Variants in PRKCB observed in about 807,000 individuals in gnomAD.
The protein encoded by PRKCB is protein kinase C beta.
In PRKCB, 13 loss-of-function variants were observed where a neutral mutation model predicts 81.5. That is an observed-to-expected ratio of 0.16 (90% CI 0.10 to 0.25). PRKCB has a LOEUF of 0.25. Ranked by LOEUF, PRKCB falls within the 10% of genes least tolerant of loss-of-function variation. The probability of loss-of-function intolerance (pLI) is 1.00; values close to 1 mark genes in which losing one functional copy is unlikely to be tolerated. For synonymous variants in PRKCB, 335 were observed against 321.4 expected (o/e 1.04, Z -0.45); for missense variants, 509 against 875.7 (o/e 0.58, Z 5.29).
Position 24,091,939 on chromosome 16 carries a change from G to C in PRKCB, c.530-852G>C, listed in dbSNP as rs1177220366. Among the ~76,000 whole-genome samples the C allele has an allele frequency of 2.0e-5, 3 of 152,112 alleles. No individual in the cohort carries two copies. In the East Asian group the frequency reaches 5.8e-4, roughly 29 times the overall value. On this transcript the variant is annotated intron_variant, in intron 5 of 16. Transcript: ENST00000643927. Reference sequence around the variant, plus strand: ...TGGGTGCTGGTTATGGGTGATACATGGATAATAGGTGTACCTTGGTTTAGA... The same window carrying C: ...TGGGTGCTGGTTATGGGTGATACATCGATAATAGGTGTACCTTGGTTTAGA...
intron 3 of PRKCB, among the ~76,000 whole-genome samples, chr16:23,995,992 C>A (rs182036195): frequency 6.6e-6 from 1 of 151,960 alleles, no homozygotes; most frequent in African/African-American, 2.4e-5. Context: ...GAGCAGTGCA[C>A]CTGGTTGTGC....
chr16:24,140,422 G>T (rs1345545785), intron 9 of PRKCB, among the ~76,000 whole-genome samples: 3 of 152,070 alleles, frequency 2.0e-5, no homozygotes, highest in Non-Finnish European at 4.4e-5. Context: ...CTCAAGAGGG[G>T]AATTATAATA....
intron 2 of PRKCB, among the ~76,000 whole-genome samples, chr16:23,973,434 C>T (rs771968299): frequency 2.0e-5 from 3 of 152,076 alleles, no homozygotes; most frequent in Non-Finnish European, 2.9e-5. Flanking sequence ...TCACCTGCCT[C>T]GGCCTCTCAA....
At chr16:24,092,575 G>A (rs1277163716) in intron 5 of PRKCB, among the ~76,000 whole-genome samples, 1 of 152,156 alleles carries the variant, frequency 6.6e-6, no homozygotes, top group Admixed American at 6.5e-5. Flanking sequence ...CAGTGTAAAA[G>A]TCAGAAATCC....
At chr16:24,079,519 A>G (rs1596539601) in intron 5 of PRKCB, among the ~76,000 whole-genome samples, 1 of 152,194 alleles carries the variant, frequency 6.6e-6, no homozygotes. Context: ...CTCAACTGAG[A>G]CCATATATTG....
chr16:24,060,118 G>A (rs897757115), intron 5 of PRKCB, among the ~76,000 whole-genome samples: 3 of 152,200 alleles, frequency 2.0e-5, no homozygotes, highest in African/African-American at 7.2e-5. Context: ...TGGGAATAGG[G>A]ATAGGAATTA....
At chr16:23,999,962 T>C (rs1374164336) in intron 3 of PRKCB, among the ~76,000 whole-genome samples, 2 of 152,186 alleles carry the variant, frequency 1.3e-5, no homozygotes, top group Non-Finnish European at 2.9e-5. Flanking sequence ...CTCTCGTCCA[T>C]GTGGCATCAT....
At chr16:24,133,641 T>A (rs895390463) in intron 9 of PRKCB, among the ~76,000 whole-genome samples, 15 of 152,248 alleles carry the variant, frequency 9.9e-5, no homozygotes, top group African/African-American at 1.7e-4. Flanking sequence ...TCGCCAACGT[T>A]TCTGAGCTCA....
At chr16:23,848,513 C>T (rs1223882364) in intron 2 of PRKCB, among the ~76,000 whole-genome samples, 1 of 152,116 alleles carries the variant, frequency 6.6e-6, no homozygotes, top group South Asian at 2.1e-4. Flanking sequence ...TTTTATGGTT[C>T]TAACAATAGG....
chr16:24,184,729 A>G (rs1445044235), intron 13 of PRKCB, among the ~76,000 whole-genome samples: 1 of 152,250 alleles, frequency 6.6e-6, no homozygotes, highest in African/African-American at 2.4e-5. Context: ...TGTTTTAAAA[A>G]CATGTAACGT....
At chr16:23,856,523 C>T (rs542331843) in intron 2 of PRKCB, among the ~76,000 whole-genome samples, 4 of 63,866 alleles carry the variant, frequency 6.3e-5, no homozygotes, top group East Asian at 4.9e-4. Flanking sequence ...TATTGTTTCA[C>T]GAAACTTTTT....
intron 12 of PRKCB, among the ~76,000 whole-genome samples, chr16:24,175,549 T>C (rs1005446545): frequency 6.7e-5 from 10 of 150,020 alleles, no homozygotes; most frequent in Admixed American, 6.7e-4. Context: ...CAGGGGAGGG[T>C]GCTGGTGTAC....
intron 12 of PRKCB, 128 bp from the exon 13 acceptor site, chr16:24,180,662 G>T: frequency 1.8e-6 from 2 of 1,109,150 alleles, no homozygotes; most frequent in South Asian, 1.5e-5. Context: ...GAGGTCAAAG[G>T]CTGGTTTCTA....
intron 13 of PRKCB, among the ~76,000 whole-genome samples, chr16:24,184,292 C>T (rs555155048): frequency 6.6e-6 from 1 of 151,894 alleles, no homozygotes; most frequent in Non-Finnish European, 1.5e-5. Context: ...CCCATCCCTA[C>T]AAAAAATTAA....
intron 9 of PRKCB, among the ~76,000 whole-genome samples, chr16:24,132,408 T>C (rs2141936317): frequency 6.6e-6 from 1 of 152,360 alleles, no homozygotes; most frequent in South Asian, 2.1e-4. Flanking sequence ...ATTCAAGAAG[T>C]ATTTATTGAG....
At chr16:24,180,343 A>G (rs1271248866) in intron 12 of PRKCB, among the ~76,000 whole-genome samples, 3 of 152,170 alleles carry the variant, frequency 2.0e-5, no homozygotes, top group Non-Finnish European at 4.4e-5. Context: ...ATTTCTTTCA[A>G]TCAGCTTCTT....
chr16:24,183,033 T>C (rs1028848425), intron 13 of PRKCB, among the ~76,000 whole-genome samples: 1 of 152,034 alleles, frequency 6.6e-6, no homozygotes, highest in Non-Finnish European at 1.5e-5. Flanking sequence ...ATTTTTTTTG[T>C]ATTTTTTTAG....
chr16:23,974,841 G>A (rs948132620), intron 2 of PRKCB, among the ~76,000 whole-genome samples: 5 of 152,280 alleles, frequency 3.3e-5, no homozygotes, highest in African/African-American at 7.2e-5. Flanking sequence ...TGGCAGGAGC[G>A]AATGGATGAC....
intron 9 of PRKCB, among the ~76,000 whole-genome samples, chr16:24,124,542 A>G (rs1422477318): frequency 6.6e-6 from 1 of 152,200 alleles, no homozygotes. Context: ...AAGAATGGAA[A>G]CGGTTCCTTT....
Sources: allele counts gnomAD v4.1 joint callset (sites outside exome capture counted in the v4.1 genomes callset), GRCh38; gene constraint gnomAD v4.1.1; transcripts MANE v1.5; gene names NCBI Gene and HGNC (gene_info 2026-07-23, HGNC 2026-07-21).